UGT1A8: variants seen among roughly 807,000 people sequenced by gnomAD.
UGT1A8 encodes the protein UDP-glucuronosyltransferase 1A8.
UGT1A8 carries 39 observed loss-of-function variants against 45.3 expected under a neutral mutation model. The observed-to-expected ratio is 0.86, with a 90% CI of 0.67 to 1.12. The LOEUF is 1.12. UGT1A8 is among the 50% of genes most tolerant of loss of function. UGT1A8 has a pLI of 0.00. For missense variants in UGT1A8, 719 were observed against 664.9 expected, an observed-to-expected ratio of 1.08 and a Z score of -0.90; for synonymous variants, 275 against 249.2, an observed-to-expected ratio of 1.10 and a Z score of -0.97.
intron 1 of UGT1A8, chr2:233,743,968 T>G: frequency 7.5e-7 from 1 of 1,327,238 alleles, no homozygotes; most frequent in Non-Finnish European, 1.0e-6. Flanking sequence ...GCGGCAAGGC[T>G]GCCAGCACCC....
chr2:233,638,164 A>C (rs1350535231), intron 1 of UGT1A8, among the ~76,000 whole-genome samples: 1 of 152,186 alleles, frequency 6.6e-6, no homozygotes, highest in African/African-American at 2.4e-5. Context: ...CTTCCTGTTC[A>C]GGAACATATA....
intron 1 of UGT1A8, among the ~76,000 whole-genome samples, chr2:233,728,905 G>C (rs1331259486): frequency 6.6e-6 from 1 of 150,586 alleles, no homozygotes; most frequent in Admixed American, 6.6e-5. Flanking sequence ...AGGGTCAGAC[G>C]TGTTTTTCAA....
chr2:233,733,931 G>A (rs1209244784), intron 1 of UGT1A8, among the ~76,000 whole-genome samples: 1 of 151,624 alleles, frequency 6.6e-6, no homozygotes, highest in Non-Finnish European at 1.5e-5. Flanking sequence ...TGAGGAAGGG[G>A]AACATCACAT....
intron 1 of UGT1A8, among the ~76,000 whole-genome samples, chr2:233,699,170 C>G (rs1397049882): frequency 6.6e-6 from 1 of 152,190 alleles, no homozygotes; most frequent in Non-Finnish European, 1.5e-5. Context: ...GTCTGTCTCT[C>G]TGATCCTCAC....
intron 1 of UGT1A8, chr2:233,647,820 C>A (rs2073641518): frequency 2.3e-6 from 2 of 885,112 alleles, no homozygotes; most frequent in East Asian, 2.8e-5. Flanking sequence ...AATTGATTTG[C>A]CCCAAAAGCT....
chr2:233,740,736 C>T (rs1691460143), intron 1 of UGT1A8: 1 of 151,674 alleles, frequency 6.6e-6, no homozygotes, highest in African/African-American at 2.4e-5. Context: ...GGAAATGCCC[C>T]CTTTTACACT....
chr2:233,622,286 G>T (rs904062485), intron 1 of UGT1A8, among the ~76,000 whole-genome samples: 1 of 152,190 alleles, frequency 6.6e-6, no homozygotes, highest in Non-Finnish European at 1.5e-5. Context: ...TCTAGTTCTA[G>T]ATCCTTGAGG....
chr2:233,697,789 C>T (rs865908903), intron 1 of UGT1A8, among the ~76,000 whole-genome samples: 1 of 152,014 alleles, frequency 6.6e-6, no homozygotes, highest in South Asian at 2.1e-4. Flanking sequence ...TCATTCGTTT[C>T]AAGTAATTTT....
At chr2:233,730,117 G>A (rs1389135246) in intron 1 of UGT1A8, 17 of 1,556,656 alleles carry the variant, frequency 1.1e-5, no homozygotes, top group Non-Finnish European at 1.5e-5. Context: ...GCTTCTCCTT[G>A]TCATAATAGC....
intron 1 of UGT1A8, chr2:233,744,094 T>G: frequency 7.2e-6 from 3 of 416,176 alleles, no homozygotes; most frequent in South Asian, 6.1e-5. Flanking sequence ...ATGCAGTGCT[T>G]CTGGGACTGG....
At chr2:233,730,558 T>A (rs898063469) in intron 1 of UGT1A8, among the ~76,000 whole-genome samples, 1 of 152,142 alleles carries the variant, frequency 6.6e-6, no homozygotes, top group African/African-American at 2.4e-5. Context: ...GATTAGAGAA[T>A]GACACACGAA....
At chr2:233,629,273 A>T (rs2073146123) in intron 1 of UGT1A8, among the ~76,000 whole-genome samples, 1 of 152,144 alleles carries the variant, frequency 6.6e-6, no homozygotes, top group South Asian at 2.1e-4. Context: ...AGTTTCATTC[A>T]TGTTAGCATA....
chr2:233,742,671 T>C (rs1692065704), intron 1 of UGT1A8: 1 of 152,224 alleles, frequency 6.6e-6, no homozygotes, highest in South Asian at 2.1e-4. Context: ...CCCCAAGGTT[T>C]GTCCTCAGCC....
At chr2:233,747,840 A>T in intron 1 of UGT1A8, 1 of 1,613,552 alleles carries the variant, frequency 6.2e-7, no homozygotes, top group South Asian at 1.1e-5. Flanking sequence ...ATTCCTGCAA[A>T]GGGTCAAGAA....
chr2:233,712,151 A>G (rs1476904352), intron 1 of UGT1A8, among the ~76,000 whole-genome samples: 5 of 152,214 alleles, frequency 3.3e-5, no homozygotes, highest in Non-Finnish European at 2.9e-5. Context: ...TCAGAAGAGG[A>G]ATTCAGACTG....
chr2:233,632,095 C>G (rs961723089), intron 1 of UGT1A8, among the ~76,000 whole-genome samples: 1 of 152,140 alleles, frequency 6.6e-6, no homozygotes, highest in African/African-American at 2.4e-5. Context: ...ATAGGAAATC[C>G]TTGCCCCATT....
intron 1 of UGT1A8, among the ~76,000 whole-genome samples, chr2:233,644,577 TA>T (rs2073550046): frequency 6.6e-6 from 1 of 151,680 alleles, no homozygotes; most frequent in South Asian, 2.1e-4. Context: ...TAAGAATAAA[TA>T]AATAAATAAA....
intron 1 of UGT1A8, among the ~76,000 whole-genome samples, chr2:233,699,947 A>G (rs1002246261): frequency 6.6e-6 from 1 of 152,188 alleles, no homozygotes; most frequent in African/African-American, 2.4e-5. Flanking sequence ...AAGTTGTACA[A>G]TGTGTGAAAA....
chr2:233,735,151 G>T (rs1299543720), intron 1 of UGT1A8, among the ~76,000 whole-genome samples: 1 of 152,160 alleles, frequency 6.6e-6, no homozygotes, highest in African/African-American at 2.4e-5. Context: ...GGGAGTCTAA[G>T]TCTCTGTGTA....
Sources: gnomAD v4.1 joint callset for allele counts (sites outside exome capture counted in the v4.1 genomes callset) on GRCh38, gnomAD v4.1.1 for gene constraint, MANE v1.5 for transcripts, NCBI Gene and HGNC (gene_info 2026-07-23, HGNC 2026-07-21) for gene names.